ZFR2: variants seen among roughly 807,000 people sequenced by gnomAD.
ZFR2 encodes zinc finger RNA binding protein 2.
A neutral mutation model predicts 105.7 loss-of-function variants in ZFR2; 104 were observed. That is an observed-to-expected ratio of 0.98 (90% confidence interval 0.84 to 1.16). ZFR2 has a LOEUF of 1.16. Ranked by LOEUF, ZFR2 falls within the 50% of genes most tolerant of loss-of-function variation. The pLI is 0.00. For synonymous variants in ZFR2, 634 were observed against 597.7 expected, an observed-to-expected ratio of 1.06 and a Z score of -0.89; for missense variants, 1,425 against 1,355.5, an observed-to-expected ratio of 1.05 and a Z score of -0.80.
intron 1 of ZFR2, among the ~76,000 whole-genome samples, chr19:3,851,528 G>C (rs189572622): frequency 1.3e-5 from 2 of 152,340 alleles, no homozygotes; most frequent in East Asian, 3.9e-4. Context: ...CGAGGAAGTA[G>C]AGCATGGGCT....
intron 1 of ZFR2, among the ~76,000 whole-genome samples, chr19:3,859,609 G>T (rs931706480): frequency 9.2e-5 from 14 of 152,234 alleles, no homozygotes; most frequent in Non-Finnish European, 2.1e-4. Context: ...TGCGTGCAGC[G>T]TGAGCCACAC....
At chr19:3,809,015 T>C (rs1193252768) in intron 16 of ZFR2, 32 bp from the exon 17 acceptor site, 2 of 1,501,766 alleles carry the variant, frequency 1.3e-6, no homozygotes, top group Non-Finnish European at 1.8e-6. Flanking sequence ...TTGCTGTGTT[T>C]TGGGCGCGCG....
chr19:3,855,620 C>T (rs139961333), intron 1 of ZFR2: 59 of 443,362 alleles, frequency 1.3e-4, no homozygotes, highest in Non-Finnish European at 1.7e-4. Context: ...TCTGATGGTT[C>T]TCATGCCGCC....
chr19:3,810,527 C>T (rs1432332359), intron 16 of ZFR2, among the ~76,000 whole-genome samples: 5 of 152,238 alleles, frequency 3.3e-5, no homozygotes, highest in Non-Finnish European at 7.3e-5. Flanking sequence ...CCCACATTTG[C>T]ATGTGAGGTT....
At chr19:3,825,610 C>A (rs957287180) in intron 6 of ZFR2, among the ~76,000 whole-genome samples, 12 of 152,184 alleles carry the variant, frequency 7.9e-5, no homozygotes, top group African/African-American at 2.9e-4. Flanking sequence ...GCCTTGCACA[C>A]GTGCTTGTGA....
At chr19:3,811,804 A>C (rs377569730) in intron 14 of ZFR2, among the ~76,000 whole-genome samples, 1 of 151,794 alleles carries the variant, frequency 6.6e-6, no homozygotes, top group East Asian at 1.9e-4. Context: ...TCTGTGGCCC[A>C]GGCTGGAGTG....
At chr19:3,830,966 C>T (rs1012858546) in intron 5 of ZFR2, among the ~76,000 whole-genome samples, 3 of 147,466 alleles carry the variant, frequency 2.0e-5, no homozygotes, top group African/African-American at 7.3e-5. Context: ...CACACACGCA[C>T]ACACATGCAC....
In ZFR2 at chr19:3,831,661, C is replaced by T. The variant is rs763822890; in HGVS notation, c.597G>A (p.Thr199=). Residue 199 remains threonine (T), a splice_region_variant and synonymous_variant, in exon 4 of 19, where the codon ACG becomes ACA. Transcript: ENST00000262961. The stretch of plus-strand genomic sequence containing the variant: ...CTGGGCAAGGAACGCTGGTCTTACC[C>T]GTGTAGGCGGTGCAGGTGGGGTTGT... The part of the protein sequence containing the change: ...PSYNPTCTAY[T]APSYPNYDAS... The T allele has an allele frequency of 2.5e-5, 39 of 1,542,734 alleles. 1 individual carries two copies. The South Asian group carries it at 4.0e-4, about 16-fold the overall frequency.
In ZFR2 at chr19:3,810,248, C is replaced by T. The variant is rs117728865; in HGVS notation, c.2433+502G>A. On this transcript the variant is annotated intron_variant, in intron 16 of 18. Coordinates refer to ENST00000262961, the MANE Select transcript of ZFR2 (RefSeq NM_015174.2). ...GGACTGGGTGGGTTCCCGGGGTCTC[C>T]GTGGGGAGCGTGGGCATGGGGCGTG... 5.1e-4 allele frequency among the ~76,000 whole-genome samples: 78 copies of T among 152,256 alleles called. No homozygotes were observed. The East Asian group carries it at 0.013, about 25-fold the overall frequency.
intron 9 of ZFR2, 107 bp from the exon 10 acceptor site, chr19:3,821,586 T>C: frequency 1.0e-6 from 1 of 986,778 alleles, no homozygotes; most frequent in Non-Finnish European, 1.4e-6. Flanking sequence ...ACTGTTGGGC[T>C]GAAAAATCTC....
Position 3,811,269 on chromosome 19 carries a change from G to C in ZFR2, c.2337+3C>G. 1.9e-6 allele frequency: 3 copies of C among 1,583,468 alleles called. No individual in the cohort carries two copies. The highest frequency in any genetic ancestry group is 3.5e-4 in the Middle Eastern group (2 of 5,720). ...CCCCCTGCTCCACCCCTGCCCCCCTGACCTGAAACCACCTGGCATGACGGA... is the reference window on the plus strand; with the variant it reads ...CCCCCTGCTCCACCCCTGCCCCCCTCACCTGAAACCACCTGGCATGACGGA... On this transcript the variant is annotated splice_donor_region_variant and intron_variant, in intron 15 of 18. Coordinates refer to ENST00000262961, the MANE Select transcript of ZFR2 (RefSeq NM_015174.2).
At chr19:3,809,940 A>G (rs187296991) in intron 16 of ZFR2, among the ~76,000 whole-genome samples, 1,758 of 152,300 alleles carry the variant, frequency 0.012, 11 homozygotes, top group Non-Finnish European at 0.019. Context: ...GCGAGACTCC[A>G]TCTCAAAAAA....
chr19:3,811,239 C>T lies in ZFR2; in HGVS notation c.2337+33G>A, dbSNP rs1326010788. 4 of 1,519,562 alleles carry T rather than the reference C, an allele frequency of 2.6e-6. No individual in the cohort carries two copies. The African/African-American group carries it at 4.2e-5, about 16-fold the overall frequency. 94.1% of individuals were successfully genotyped at this position (1,519,562 alleles called of 1,614,324 possible). A position where few individuals can be genotyped will look rare whatever the true frequency, so the allele number is the denominator to read the frequency against. On this transcript the variant is annotated intron_variant, in intron 15 of 18. Transcript: ENST00000262961. ...CTGAGCTACGTTCCTCAAAGTCACCCCTCTCCCCCTGCTCCACCCCTGCCC... is the reference window on the plus strand; with the variant it reads ...CTGAGCTACGTTCCTCAAAGTCACCTCTCTCCCCCTGCTCCACCCCTGCCC...
At position 3,816,745 on chromosome 19, in the gene ZFR2, G is replaced by A. The variant is rs758366460; in HGVS notation, c.2032C>T (p.Leu678=). 29 of 1,612,480 alleles carry A rather than the reference G, an allele frequency of 1.8e-5. No individual in the cohort carries two copies. Among genetic ancestry groups the A allele is most frequent in the Non-Finnish European group, 2.3e-5 (27 of 1,179,796 alleles). ...TGCGTGGGCTTCTCGGAGCAGAGCA[G>A]AGCGAGGCGCACGTTCCTGTCCCCA... ...LRGDRNVRLA[L]LCSEKPTHSL... is the part of the protein sequence containing the mutation. The change falls in exon 13 of 19, where the codon CTG becomes TTG. Residue 678 remains leucine, a synonymous_variant. Transcript: ENST00000262961.
At position 3,810,823 on chromosome 19, in the gene ZFR2, G is replaced by A; in HGVS notation, c.2360C>T (p.Pro787Leu). The change falls in exon 16 of 19, where the codon CCA becomes CTA. Residue 787 changes from proline (P) to leucine (L), a missense_variant. Transcript: ENST00000262961. ...WFQARASGLQ[P>L]CVIVIRVLRD... is the part of the protein sequence containing the mutation. ...CAGGACCCTGATGACGATCACGCAT[G>A]GCTGCAGGCCGCTGGCTCGAGCCTT... 6.4e-7 allele frequency: 1 copy of A among 1,550,426 alleles called. No individual in the cohort carries two copies. The highest frequency in any genetic ancestry group is 8.7e-7 in the Non-Finnish European group (1 of 1,146,834).
At chr19:3,855,729 G>C (rs2038290862) in intron 1 of ZFR2, 1 of 342,982 alleles carries the variant, frequency 2.9e-6, no homozygotes, top group South Asian at 1.5e-4. Flanking sequence ...AAGACACAAA[G>C]TTGGGGAAAC....
chr19:3,810,600 A>G (rs1428407355), intron 16 of ZFR2, 150 bp downstream of exon 16: 11 of 625,522 alleles, frequency 1.8e-5, no homozygotes, highest in African/African-American at 7.6e-5. Context: ...CCGCAAGGGG[A>G]CCTCAGGGAC....
At chr19:3,855,293 T>C (rs957552743) in intron 1 of ZFR2, 10 of 1,007,344 alleles carry the variant, frequency 9.9e-6, no homozygotes, top group Non-Finnish European at 1.3e-5. Flanking sequence ...GAGGCCATCT[T>C]CTGGCTAAGC....
At chr19:3,814,990 G>A (rs2037809371) in intron 13 of ZFR2, among the ~76,000 whole-genome samples, 1 of 152,040 alleles carries the variant, frequency 6.6e-6, no homozygotes, top group Non-Finnish European at 1.5e-5. Context: ...GGCATCCAGT[G>A]CCCACTGGAA....
Sources: gnomAD v4.1 joint callset for allele counts (sites outside exome capture counted in the v4.1 genomes callset) on GRCh38, gnomAD v4.1.1 for gene constraint, MANE v1.5 for transcripts, NCBI Gene and HGNC (gene_info 2026-07-23, HGNC 2026-07-21) for gene names.